The following CD109 variants were observed in gnomAD, a reference collection of about 807,000 sequenced individuals.
CD109 encodes CD109 molecule, also known as CD109 antigen.
In CD109, 149 loss-of-function variants were observed where a neutral mutation model predicts 165.8. That is an observed-to-expected ratio of 0.90 (90% CI 0.79 to 1.03). CD109 has a LOEUF of 1.03. Among genes scored for constraint, CD109 ranks in the 50% least tolerant of loss-of-function variants. The probability of loss-of-function intolerance (pLI) is 0.00; values close to 1 mark genes in which losing one functional copy is unlikely to be tolerated. For missense variants in CD109, 1,712 were observed against 1,677.8 expected (o/e 1.02, Z -0.36); for synonymous variants, 585 against 592.1 (o/e 0.99, Z 0.18).
At chr6:73,736,308 A>C in intron 4 of CD109, 75 bp from the exon 5 acceptor site, 2 of 1,514,770 alleles carry the variant, frequency 1.3e-6, no homozygotes, top group Admixed American at 3.9e-5. Context: ...GCTGCAAGGC[A>C]TTATTCCTAA....
In CD109 at chr6:73,766,128, G is replaced by A. The variant is rs748345879; in HGVS notation, c.1306G>A (p.Glu436Lys). ...GTFKIEFPIL[E>K]DSSELQLKAY... is the part of the protein sequence containing the mutation. Reference sequence around the variant, plus strand: ...TTTTAAGATTGAATTCCCAATCCTGGAGGATTCCAGTGAGCTACAGTTGAA... The same window carrying A: ...TTTTAAGATTGAATTCCCAATCCTGAAGGATTCCAGTGAGCTACAGTTGAA... Residue 436 changes from glutamate to lysine, a missense_variant, in exon 11 of 33, where the codon GAG (glutamate) becomes AAG (lysine). Coordinates refer to ENST00000287097, the MANE Select transcript of CD109 (RefSeq NM_133493.5). The A allele has an allele frequency of 6.2e-7, 1 of 1,614,014 alleles. No homozygotes were observed. Among genetic ancestry groups the A allele is most frequent in the Non-Finnish European group, 8.5e-7 (1 of 1,179,906 alleles).
chr6:73,767,008 A>G lies in CD109; in HGVS notation c.1495A>G (p.Met499Val), dbSNP rs779693948. 2.9e-5 allele frequency: 46 copies of G among 1,611,440 alleles called. No individual in the cohort carries two copies. The highest frequency in any genetic ancestry group is 3.7e-5 in the Non-Finnish European group (43 of 1,178,072). ...CAAACGATTGAAGGAGTTAAGCTAT[A>G]TGGTAATCTCTTATAGAATCTAAAT... is the stretch of plus-strand genomic sequence containing the variant. Reference protein sequence around the residue: ...GNKRLKELSYMVVSRGQLVAV... With the variant: ...GNKRLKELSYVVVSRGQLVAV... Residue 499 changes from methionine to valine, a missense_variant and splice_region_variant, in exon 13 of 33, where the codon ATG becomes GTG. Transcript: ENST00000287097.
intron 29 of CD109, 149 bp downstream of exon 29, chr6:73,812,419 A>G (rs957889647): frequency 4.6e-5 from 26 of 561,586 alleles, no homozygotes; most frequent in Non-Finnish European, 7.8e-5. Flanking sequence ...TGTCTTTAAT[A>G]AAAAGTATTA....
intron 2 of CD109, among the ~76,000 whole-genome samples, chr6:73,712,443 A>G (rs900742168): frequency 6.6e-6 from 1 of 152,242 alleles, no homozygotes; most frequent in Non-Finnish European, 1.5e-5. Context: ...ACACTAAGTC[A>G]GGCATATATA....
At chr6:73,779,499 C>T (rs9343077) in intron 15 of CD109, among the ~76,000 whole-genome samples, 5,844 of 152,120 alleles carry the variant, frequency 0.038, 458 homozygotes, top group East Asian at 0.3. Flanking sequence ...CCGCCCGCCT[C>T]GGCCTCCCAA....
intron 23 of CD109, among the ~76,000 whole-genome samples, chr6:73,802,995 C>T (rs966804167): frequency 5.3e-5 from 8 of 151,992 alleles, no homozygotes; most frequent in African/African-American, 1.7e-4. Context: ...CCACTGCACC[C>T]GGCTGGGATA....
chr6:73,803,128 C>T, intron 23 of CD109, 92 bp from the exon 24 acceptor site: 1 of 827,244 alleles, frequency 1.2e-6, no homozygotes, highest in Non-Finnish European at 2.1e-6. Flanking sequence ...CCCCTCTCTG[C>T]CCATATTTCC....
In CD109 at chr6:73,823,766, T is replaced by C; in HGVS notation, c.*133T>C. 1 of 737,668 alleles carries C rather than the reference T, an allele frequency of 1.4e-6. No individual in the cohort carries two copies. The highest frequency in any genetic ancestry group is 2.6e-5 in the East Asian group (1 of 39,160). The allele number at this position is 737,668 out of a possible 1,614,324, so 45.7% of individuals were successfully genotyped here. On this transcript the variant is annotated 3_prime_UTR_variant, in exon 33 of 33. Coordinates refer to ENST00000287097, the MANE Select transcript of CD109 (RefSeq NM_133493.5). ...TCTTTCTATGGGGTTGCAGGGATGGTGTACAACAGGTCCTAGCATGTATAG... is the reference window on the plus strand; with the variant it reads ...TCTTTCTATGGGGTTGCAGGGATGGCGTACAACAGGTCCTAGCATGTATAG...
intron 5 of CD109, among the ~76,000 whole-genome samples, chr6:73,739,267 T>TA (rs1053072908): frequency 1.9e-4 from 29 of 151,838 alleles, no homozygotes; most frequent in Non-Finnish European, 3.8e-4. Context: ...ATAAGCCCCT[T>TA]AAAAAAAAGA....
intron 26 of CD109, among the ~76,000 whole-genome samples, chr6:73,808,864 AGT>A (rs1377692250): frequency 3.3e-5 from 5 of 149,966 alleles, no homozygotes; most frequent in Non-Finnish European, 7.4e-5. Context: ...GAGAGATGGA[AGT>A]GGGTGGGCAG....
At chr6:73,680,758 TC>T in the CD109 span, among the ~76,000 whole-genome samples, 1 of 152,184 alleles carries the variant, frequency 6.6e-6, no homozygotes, top group Non-Finnish European at 1.5e-5. Flanking sequence ...CACTTAGTGA[TC>T]CAGTGCTTTC....
intron 2 of CD109, among the ~76,000 whole-genome samples, chr6:73,715,020 AGGCTGAGGC>A (rs1404310373): frequency 6.6e-6 from 1 of 152,230 alleles, no homozygotes; most frequent in Non-Finnish European, 1.5e-5. Flanking sequence ...GCACTTTGGG[AGGCTGAGGC>A]GGGCAGATCA....
At chr6:73,709,517 G>T (rs920295963) in intron 2 of CD109, among the ~76,000 whole-genome samples, 3 of 152,172 alleles carry the variant, frequency 2.0e-5, no homozygotes, top group Non-Finnish European at 2.9e-5. Flanking sequence ...CTTTAAAGTA[G>T]TTTTTTCCAG....
intron 2 of CD109, 146 bp from the exon 3 acceptor site, chr6:73,723,105 G>A: frequency 6.5e-7 from 1 of 1,531,020 alleles, no homozygotes; most frequent in Non-Finnish European, 8.7e-7. Context: ...GGTCTTCTGG[G>A]CATTTAAATG....
At chr6:73,749,967 CA>C (rs369219716) in intron 5 of CD109, among the ~76,000 whole-genome samples, 87 of 152,100 alleles carry the variant, frequency 5.7e-4, no homozygotes, top group African/African-American at 2.0e-3. Flanking sequence ...AGGAGACTAC[CA>C]GGGGGTTAGT....
At chr6:73,729,513 T>G (rs1354785230) in intron 3 of CD109, among the ~76,000 whole-genome samples, 1 of 148,518 alleles carries the variant, frequency 6.7e-6, no homozygotes, top group African/African-American at 2.5e-5. Context: ...ATTATTATTA[T>G]TATTATTATT....
intron 5 of CD109, among the ~76,000 whole-genome samples, chr6:73,756,090 C>T (rs1773379815): frequency 1.3e-5 from 2 of 152,124 alleles, no homozygotes; most frequent in Non-Finnish European, 2.9e-5. Context: ...TCTATTATAA[C>T]CACATAGGAT....
chr6:73,806,304 T>G (rs560789965), intron 24 of CD109, among the ~76,000 whole-genome samples: 2 of 151,486 alleles, frequency 1.3e-5, no homozygotes, highest in East Asian at 3.9e-4. Context: ...TAGGTGGAAA[T>G]TGAACAATGA....
chr6:73,810,088 T>C lies in CD109; in HGVS notation c.3460T>C (p.Leu1154=), dbSNP rs763786329. Residue 1154 remains leucine, a synonymous_variant, in exon 27 of 33, where the codon TTA becomes CTA. Transcript: ENST00000287097. ...AGCCTATGCACTGCTCTCACACTTC[T>C]TACAATTTCAGACTTCTGAGGGAAT... The part of the protein sequence containing the change: ...VAAYALLSHF[L]QFQTSEGIPI... 12 of 1,610,652 alleles carry C rather than the reference T, an allele frequency of 7.5e-6. No individual in the cohort carries two copies. In the South Asian group the frequency reaches 1.2e-4, roughly 16 times the overall value.
Sources: gnomAD v4.1 joint callset for allele counts (sites outside exome capture counted in the v4.1 genomes callset) on GRCh38, gnomAD v4.1.1 for gene constraint, MANE v1.5 for transcripts, NCBI Gene and HGNC (gene_info 2026-07-23, HGNC 2026-07-21) for gene names.